The following ZDHHC9 variants were observed in gnomAD, a reference collection of about 807,000 sequenced individuals.
ZDHHC9 encodes the protein palmitoyltransferase ZDHHC9.
A neutral mutation model predicts 26.6 loss-of-function variants in ZDHHC9; 3 were observed. That is an observed-to-expected ratio of 0.11 (90% CI 0.05 to 0.29). The LOEUF (loss-of-function observed/expected upper bound fraction) is 0.29. Among genes scored for constraint, ZDHHC9 ranks in the 10% least tolerant of loss-of-function variants. ZDHHC9 has a pLI of 1.00. For synonymous variants in ZDHHC9, 111 were observed against 109.4 expected (o/e 1.01, Z -0.09); for missense variants, 146 against 296.4 (o/e 0.49, Z 3.73).
At chrX:129,817,150 C>T (rs943669037) in intron 5 of ZDHHC9, among the ~76,000 whole-genome samples, 2 of 111,636 alleles carry the variant, frequency 1.8e-5, no homozygotes, top group African/African-American at 6.5e-5. Context: ...ACTGGGATTA[C>T]AGGCATGAGC....
At chrX:129,809,477 G>C (rs1031675443) in intron 10 of ZDHHC9, among the ~76,000 whole-genome samples, 1 of 111,751 alleles carries the variant, frequency 8.9e-6, no homozygotes, top group Admixed American at 9.5e-5. Context: ...ACCACATATT[G>C]TATGATTTCA....
At chrX:129,835,398 G>C (rs1415020508) in intron 3 of ZDHHC9, among the ~76,000 whole-genome samples, 1 of 98,114 alleles carries the variant, frequency 1.0e-5, no homozygotes, top group Non-Finnish European at 2.0e-5. Context: ...AGTGAGCCAA[G>C]ATCACACCAC....
At chrX:129,842,592 C>A (rs1268395828) in intron 2 of ZDHHC9, among the ~76,000 whole-genome samples, 3 of 112,808 alleles carry the variant, frequency 2.7e-5, no homozygotes, top group African/African-American at 9.7e-5. Flanking sequence ...TCCTCCACTT[C>A]ACCTTCTTTC....
intron 10 of ZDHHC9, among the ~76,000 whole-genome samples, chrX:129,807,454 GAA>G (rs779819713): frequency 1.1e-4 from 3 of 27,391 alleles, no homozygotes; most frequent in South Asian, 1.8e-3. Context: ...CTCCGTCTCA[GAA>G]AAAAAAAAAA....
chrX:129,803,432 A>G lies in ZDHHC9; in HGVS notation c.*2938T>C, dbSNP rs1181775331. ...ACATACACATTTGTAGGCTCACACA[A>G]AAGTGCAGAGATTTACATATTAAAT... On this transcript the variant is annotated 3_prime_UTR_variant, in exon 11 of 11. Transcript: ENST00000357166. 1.8e-5 allele frequency: 2 copies of G among 113,013 alleles called. No homozygotes were observed. Among genetic ancestry groups the G allele is most frequent in the African/African-American group, 6.4e-5 (2 of 31,177 alleles). 9.3% of individuals were successfully genotyped at this position (113,013 alleles called of 1,213,427 possible).
At chrX:129,838,497 C>A (rs374610952) in intron 3 of ZDHHC9, among the ~76,000 whole-genome samples, 2 of 111,008 alleles carry the variant, frequency 1.8e-5, no homozygotes, top group African/African-American at 6.5e-5. Flanking sequence ...CATGGTGAAA[C>A]CCTGTCTCTA....
chrX:129,840,609 G>A (rs182782765), intron 3 of ZDHHC9, among the ~76,000 whole-genome samples: 10 of 111,124 alleles, frequency 9.0e-5, no homozygotes, highest in Non-Finnish European at 1.3e-4. Context: ...CAGTAGCGGC[G>A]GCAGCAGCAA....
rs1345481696 is a variant in ZDHHC9, at chrX:129,805,102, G to C, written c.*1268C>G. The C allele has an allele frequency of 5.3e-5, 6 of 112,614 alleles. No homozygotes were observed. The highest frequency in any genetic ancestry group is 9.4e-5 in the Non-Finnish European group (5 of 53,247). 9.3% of individuals were successfully genotyped at this position (112,614 alleles called of 1,213,427 possible). ...TACATAAATCTTCTTCCCTGAAATA[G>C]AGCAGGTCCTGAGCAGAGCTGACTG... On this transcript the variant is annotated 3_prime_UTR_variant, in exon 11 of 11. Transcript: ENST00000357166.
At chrX:129,817,669 TTC>T (rs890948910) in intron 5 of ZDHHC9, among the ~76,000 whole-genome samples, 4 of 110,575 alleles carry the variant, frequency 3.6e-5, no homozygotes, top group African/African-American at 1.3e-4. Context: ...ATCTCTAATC[TTC>T]TGTCTCTATG....
intron 4 of ZDHHC9, among the ~76,000 whole-genome samples, chrX:129,828,442 G>A (rs920253873): frequency 9.2e-6 from 1 of 109,155 alleles, no homozygotes. Flanking sequence ...CCAACACAGT[G>A]AAATCCCCGT....
Position 129,842,890 on chromosome X carries a change from G to C in ZDHHC9, c.-136+369C>G, listed in dbSNP as rs184571993. On this transcript the variant is annotated intron_variant, in intron 2 of 10. Transcript: ENST00000357166. ...GTTGGTGACTGCTGATGGCTGGTTG[G>C]GGGGTGGGGAATGGCAGCAGCTAAG... Among the ~76,000 whole-genome samples the C allele has an allele frequency of 3.6e-3, 410 of 112,510 alleles. 1 individual carries two copies. Among genetic ancestry groups the C allele is most frequent in the Middle Eastern group, 0.018 (4 of 218 alleles).
chrX:129,811,644 T>C (rs914002267), intron 8 of ZDHHC9, 135 bp from the exon 9 acceptor site: 1 of 525,444 alleles, frequency 1.9e-6, no homozygotes, highest in African/African-American at 2.4e-5. Flanking sequence ...CATGGGATAA[T>C]AAAAAAGTTC....
At chrX:129,806,918 A>C (rs145352183) in intron 10 of ZDHHC9, among the ~76,000 whole-genome samples, 1,830 of 111,809 alleles carry the variant, frequency 0.016, 18 homozygotes, top group Non-Finnish European at 0.024. Context: ...TCAGCTGGTC[A>C]TATGTGGTTT....
chrX:129,830,765 T>C (rs533430253), intron 3 of ZDHHC9, among the ~76,000 whole-genome samples: 4 of 111,636 alleles, frequency 3.6e-5, no homozygotes, highest in African/African-American at 1.3e-4. Flanking sequence ...CTCCTGGTTA[T>C]ATATTCTCTG....
intron 3 of ZDHHC9, among the ~76,000 whole-genome samples, chrX:129,840,596 C>T (rs1395566120): frequency 3.6e-5 from 4 of 111,501 alleles, no homozygotes. Context: ...TTCACAAAGT[C>T]AGCAGTAGCG....
intron 10 of ZDHHC9, among the ~76,000 whole-genome samples, chrX:129,809,988 CAAAAAAAAAAA>C (rs55755290): frequency 3.4e-5 from 2 of 58,659 alleles, no homozygotes; most frequent in Non-Finnish European, 5.9e-5. Context: ...GACTCCGTCT[CAAAAAAAAAAA>C]AAAAAAAAAT....
At chrX:129,837,004 C>T (rs2124134908) in intron 3 of ZDHHC9, among the ~76,000 whole-genome samples, 1 of 111,690 alleles carries the variant, frequency 9.0e-6, no homozygotes, top group South Asian at 3.7e-4. Context: ...GATAAAATGT[C>T]GAAATTAGAA....
chrX:129,827,325 G>T (rs1258242029), intron 4 of ZDHHC9, among the ~76,000 whole-genome samples: 2 of 109,525 alleles, frequency 1.8e-5, no homozygotes, highest in Non-Finnish European at 3.8e-5. Context: ...AAAGAAAAAA[G>T]AAATACATGG....
At chrX:129,811,028 G>A in intron 9 of ZDHHC9, 27 bp from the exon 10 acceptor site, 1 of 1,164,432 alleles carries the variant, frequency 8.6e-7, no homozygotes, top group Non-Finnish European at 1.2e-6. Context: ...AGTTAACAAA[G>A]AACTGGGCAT....
Sources: allele counts gnomAD v4.1 joint callset (sites outside exome capture counted in the v4.1 genomes callset), GRCh38; gene constraint gnomAD v4.1.1; transcripts MANE v1.5; gene names NCBI Gene and HGNC (gene_info 2026-07-23, HGNC 2026-07-21).